The following YIF1A variants were observed in gnomAD, a reference collection of about 807,000 sequenced individuals.
The protein encoded by YIF1A is protein YIF1A.
A neutral mutation model predicts 32.6 loss-of-function variants in YIF1A; 28 were observed. The ratio of observed to expected loss-of-function variants is 0.86; its 90% CI spans 0.64 to 1.18. The LOEUF is 1.18. Among genes scored for constraint, YIF1A ranks in the 50% most tolerant of loss-of-function variants. The pLI is 0.00. For missense variants in YIF1A, 373 were observed against 390.8 expected (o/e 0.95, Z 0.38); for synonymous variants, 175 against 162.2 (o/e 1.08, Z -0.60).
chr11:66,284,637 T>TC lies in YIF1A; in HGVS notation c.881dup (p.Ter294TrpfsTer?). On this transcript the variant is annotated frameshift_variant and stop_lost, in exon 8 of 8. Transcript: ENST00000376901. LOFTEE classifies it high-confidence loss of function. ...CTCAGTGCCATCTGGGGCCAGGGGG[T>TC]CACCGGACCAGGTGGAAAGTCAGCC... 1 of 1,612,458 alleles carries TC rather than the reference T, an allele frequency of 6.2e-7. No homozygotes were observed. Among genetic ancestry groups the TC allele is most frequent in the South Asian group, 1.1e-5 (1 of 91,050 alleles).
At chr11:66,285,123 G>T (rs569946804) in intron 6 of YIF1A, 157 bp from the exon 7 acceptor site, 27 of 889,328 alleles carry the variant, frequency 3.0e-5, no homozygotes, top group Non-Finnish European at 4.1e-5. Context: ...AAGGGATATG[G>T]AAGGCCCAGG....
chr11:66,285,744 T>A lies in YIF1A; in HGVS notation c.442A>T (p.Thr148Ser). The A allele has an allele frequency of 6.2e-7, 1 of 1,613,084 alleles. No individual in the cohort carries two copies. The highest frequency in any genetic ancestry group is 2.2e-5 in the East Asian group (1 of 44,884). The change falls in exon 5 of 8, where the codon ACT becomes TCT. Residue 148 changes from threonine to serine, a missense_variant. Physicochemically the swap from Thr to Ser is moderately conservative, Grantham distance 58. Transcript: ENST00000376901. ...GCCATCCCAGCCAGGAGCACGTAAG[T>A]AATGAAGGCCATCGCTGCCAAGTGC... ...DLYIPTMAFI[T>S]YVLLAGMALG...
intron 2 of YIF1A, 34 bp downstream of exon 2, chr11:66,288,047 A>G: frequency 6.2e-7 from 1 of 1,610,696 alleles, no homozygotes; most frequent in Non-Finnish European, 8.5e-7. Flanking sequence ...CTAGCCAAAA[A>G]TTCTGCCACC....
intron 5 of YIF1A, 79 bp downstream of exon 5, chr11:66,285,622 G>A (rs1857343957): frequency 1.1e-5 from 18 of 1,609,974 alleles, no homozygotes; most frequent in Non-Finnish European, 1.4e-5. Flanking sequence ...GGTGAGCTGG[G>A]GACCACCACA....
rs1477753070 is a variant in YIF1A at position 66,284,913 on chromosome 11, A to G, written c.695T>C (p.Val232Ala). The G allele has an allele frequency of 2.5e-6, 4 of 1,613,324 alleles. No homozygotes were observed. The highest frequency in any genetic ancestry group is 3.4e-6 in the Non-Finnish European group (4 of 1,179,988). ...CGCCGATGAGGTCCAGGCCAGCGCCACGTAGTAGCCATCGCTGCCGAACAG... is the reference window on the plus strand; with the variant it reads ...CGCCGATGAGGTCCAGGCCAGCGCCGCGTAGTAGCCATCGCTGCCGAACAG... ...GLLFGSDGYY[V>A]ALAWTSSALM... The change falls in exon 7 of 8, where the codon GTG (valine) becomes GCG (alanine). Residue 232 changes from valine to alanine, a missense_variant. Val to Ala is a moderately conservative substitution (Grantham distance 64, BLOSUM62 0). Coordinates refer to ENST00000376901, the MANE Select transcript of YIF1A (RefSeq NM_020470.3).
chr11:66,285,686 G>A lies in YIF1A; in HGVS notation c.485+15C>T. ...TCACAGGGAGGGGAGGGTAAGGGAG[G>A]GGCTTGGCACTGACCTTTTCTGAAT... On this transcript the variant is annotated intron_variant, in intron 5 of 7. Transcript: ENST00000376901. 1.2e-6 allele frequency: 2 copies of A among 1,613,296 alleles called. No homozygotes were observed. The highest frequency in any genetic ancestry group is 1.7e-6 in the Non-Finnish European group (2 of 1,179,878).
chr11:66,284,736 GC>G lies in YIF1A; in HGVS notation c.782del (p.Gly261AlafsTer12). 5.6e-6 allele frequency: 9 copies of G among 1,612,114 alleles called. No homozygotes were observed. The highest frequency in any genetic ancestry group is 7.6e-6 in the Non-Finnish European group (9 of 1,179,678). On this transcript the variant is annotated frameshift_variant, in exon 8 of 8. Transcript: ENST00000376901. LOFTEE classifies it high-confidence loss of function. Reference protein sequence around the residue: ...TAALGPDSMGGPVPRQRLQLY... With the variant: ...TAALGPDSMGXPVPRQRLQLY... ...GCTGGAGACGCTGCCGGGGGACGGG[GC>G]CCCCCATGCTGTCGGGGCCCAGGGC...
intron 6 of YIF1A, 140 bp downstream of exon 6, chr11:66,285,241 T>C: frequency 7.7e-7 from 1 of 1,306,392 alleles, no homozygotes; most frequent in Non-Finnish European, 1.1e-6. Flanking sequence ...CTCAGGAGAC[T>C]GCTGGAGACA....
intron 2 of YIF1A, 27 bp downstream of exon 2, chr11:66,288,054 C>T (rs775968415): frequency 1.2e-6 from 2 of 1,610,806 alleles, no homozygotes; most frequent in African/African-American, 1.3e-5. Context: ...AAAATTCTGC[C>T]ACCCGTGCCC....
chr11:66,284,866 G>A lies in YIF1A; in HGVS notation c.735+7C>T. On this transcript the variant is annotated splice_region_variant and intron_variant, in intron 7 of 7. Coordinates refer to ENST00000376901, the MANE Select transcript of YIF1A (RefSeq NM_020470.3). ...GGCAGGGGAATGGGGGGGTGCACCAGACTCACAATGAAGTACATGAGCGCC... is the reference window on the plus strand; with the variant it reads ...GGCAGGGGAATGGGGGGGTGCACCAAACTCACAATGAAGTACATGAGCGCC... 1 of 1,613,110 alleles carries A rather than the reference G, an allele frequency of 6.2e-7. No individual in the cohort carries two copies. The highest frequency in any genetic ancestry group is 8.5e-7 in the Non-Finnish European group (1 of 1,179,952).
chr11:66,285,089 G>T, intron 6 of YIF1A, 123 bp from the exon 7 acceptor site: 1 of 1,064,962 alleles, frequency 9.4e-7, no homozygotes, highest in Non-Finnish European at 1.4e-6. Flanking sequence ...CTCTCAATCT[G>T]TCCCCACAGG....
At position 66,284,717 on chromosome 11, in the gene YIF1A, G is replaced by A. The variant is rs1857323284; in HGVS notation, c.802C>T (p.Leu268Phe). Residue 268 changes from leucine (L) to phenylalanine (F), a missense_variant, in exon 8 of 8, where the codon CTC becomes TTC. By Grantham distance (22) the Leu-to-Phe change is conservative (BLOSUM62 0). Coordinates refer to ENST00000376901, the MANE Select transcript of YIF1A (RefSeq NM_020470.3). ...SMGGPVPRQR[L>F]QLYLTLGAAA... ...GCTCCCAGAGTCAGGTAGAGCTGGA[G>A]ACGCTGCCGGGGGACGGGGCCCCCC... 6.2e-7 allele frequency: 1 copy of A among 1,612,524 alleles called. No individual in the cohort carries two copies. Among genetic ancestry groups the A allele is most frequent in the Admixed American group, 1.7e-5 (1 of 59,988 alleles).
At position 66,284,700 on chromosome 11, in the gene YIF1A, A is replaced by C; in HGVS notation, c.819T>G (p.Thr273=). ...VPRQRLQLYL[T]LGAAAFQPLI... is the part of the protein sequence containing the mutation. ...GGGGCTGGAAGGCTGCAGCTCCCAGAGTCAGGTAGAGCTGGAGACGCTGCC... is the reference window on the plus strand; with the variant it reads ...GGGGCTGGAAGGCTGCAGCTCCCAGCGTCAGGTAGAGCTGGAGACGCTGCC... Residue 273 remains threonine, a synonymous_variant, in exon 8 of 8, where the codon ACT becomes ACG. Coordinates refer to ENST00000376901, the MANE Select transcript of YIF1A (RefSeq NM_020470.3). The C allele has an allele frequency of 6.2e-7, 1 of 1,612,732 alleles. No individual in the cohort carries two copies. The highest frequency in any genetic ancestry group is 8.5e-7 in the Non-Finnish European group (1 of 1,179,908).
chr11:66,289,060 C>G lies in YIF1A; in HGVS notation c.-75G>C. On this transcript the variant is annotated 5_prime_UTR_variant, in exon 1 of 8. Transcript: ENST00000376901. Reference sequence around the variant, plus strand: ...ACGAATACTAATGAGGCAGCTGCTCCGCGCCCAGGGTACCGACCGAGGCCA... The same window carrying G: ...ACGAATACTAATGAGGCAGCTGCTCGGCGCCCAGGGTACCGACCGAGGCCA... The G allele has an allele frequency of 1.3e-6, 2 of 1,506,950 alleles. No homozygotes were observed. The highest frequency in any genetic ancestry group is 1.8e-6 in the Non-Finnish European group (2 of 1,135,008). 93.3% of individuals were successfully genotyped at this position (1,506,950 alleles called of 1,614,324 possible).
In YIF1A at chr11:66,284,983, GA is replaced by G. The variant is rs779651313; in HGVS notation, c.642-18del. The stretch of plus-strand genomic sequence containing the variant: ...AGGATCATTCTGGGGGTGGGAGGAG[GA>G]AAGGGTTGGTGACCCCCAGGGGTCT... On this transcript the variant is annotated intron_variant, in intron 6 of 7. Transcript: ENST00000376901. 6.8e-6 allele frequency: 11 copies of G among 1,612,622 alleles called. No homozygotes were observed. Among genetic ancestry groups the G allele is most frequent in the Non-Finnish European group, 9.3e-6 (11 of 1,179,802 alleles).
rs1468362964 is a variant in YIF1A at position 66,288,995 on chromosome 11, G to A, written c.-10C>T. ...CCGAGTGATAAGCCATGGCCGCGAC[G>A]CTCGCTGTCCCCGAGGGCCCGCTGC... On this transcript the variant is annotated 5_prime_UTR_variant, in exon 1 of 8. Transcript: ENST00000376901. The A allele has an allele frequency of 6.3e-7, 1 of 1,578,430 alleles. No homozygotes were observed. Among genetic ancestry groups the A allele is most frequent in the Non-Finnish European group, 8.5e-7 (1 of 1,170,408 alleles).
intron 4 of YIF1A, among the ~76,000 whole-genome samples, chr11:66,286,342 C>T (rs1188096466): frequency 1.3e-5 from 2 of 152,228 alleles, no homozygotes; most frequent in East Asian, 1.9e-4. Context: ...ATTGGCTGGG[C>T]GCAGTAGCTC....
chr11:66,284,795 G>A lies in YIF1A; in HGVS notation c.736-12C>T. The A allele has an allele frequency of 1.9e-6, 3 of 1,611,318 alleles. No homozygotes were observed. The highest frequency in any genetic ancestry group is 2.5e-6 in the Non-Finnish European group (3 of 1,179,042). Reference sequence around the variant, plus strand: ...CGCAAAGAGCGCACCTGGAAGAAAGGAGAACTGAAGCCTGGCCAGGAGGGG... The same window carrying A: ...CGCAAAGAGCGCACCTGGAAGAAAGAAGAACTGAAGCCTGGCCAGGAGGGG... On this transcript the variant is annotated splice_polypyrimidine_tract_variant and intron_variant, in intron 7 of 7. Transcript: ENST00000376901.
At chr11:66,285,968 C>T (rs766096914) in intron 4 of YIF1A, among the ~76,000 whole-genome samples, 44 of 152,372 alleles carry the variant, frequency 2.9e-4, no homozygotes, top group Middle Eastern at 3.4e-3. Context: ...GACCCTTCTT[C>T]CAGAACCACA....
Sources: allele counts gnomAD v4.1 joint callset (sites outside exome capture counted in the v4.1 genomes callset), GRCh38; gene constraint gnomAD v4.1.1; transcripts MANE v1.5; gene names NCBI Gene and HGNC (gene_info 2026-07-23, HGNC 2026-07-21).